The following RBM23 variants were observed in gnomAD, a reference collection of about 807,000 sequenced individuals.
RBM23 encodes RNA binding motif protein 23, also known as probable RNA-binding protein 23.
RBM23 carries 53 observed loss-of-function variants against 56.2 expected under a neutral mutation model. The observed-to-expected ratio is 0.94, with a 90% CI of 0.76 to 1.19. RBM23 has a LOEUF of 1.19. RBM23 is among the 50% of genes most tolerant of loss of function. RBM23 has a pLI of 0.00. For missense variants in RBM23, 642 were observed against 590.3 expected, an observed-to-expected ratio of 1.09 and a Z score of -0.91; for synonymous variants, 197 against 198.5, an observed-to-expected ratio of 0.99 and a Z score of 0.06.
Position 22,901,485 on chromosome 14 carries a change from T to G in RBM23, c.*245A>C, listed in dbSNP as rs1178235984. Reference sequence around the variant, plus strand: ...GAGACGATACACATGGAGAAACAGGTATTCAATGCAGGTGTGGATTCTGTT... The same window carrying G: ...GAGACGATACACATGGAGAAACAGGGATTCAATGCAGGTGTGGATTCTGTT... On this transcript the variant is annotated 3_prime_UTR_variant, in exon 14 of 14. Coordinates refer to ENST00000359890, the MANE Select transcript of RBM23 (RefSeq NM_001077351.2). 5.0e-6 allele frequency: 3 copies of G among 597,080 alleles called. No individual in the cohort carries two copies. Among genetic ancestry groups the G allele is most frequent in the Non-Finnish European group, 9.0e-6 (3 of 332,468 alleles). 37.0% of individuals were successfully genotyped at this position (597,080 alleles called of 1,614,324 possible).
chr14:22,905,015 G>A lies in RBM23; in HGVS notation c.727-3C>T, dbSNP rs1299772481. 6.2e-7 allele frequency: 1 copy of A among 1,614,144 alleles called. No homozygotes were observed. ...GCTGCCAGTCGGTTTTTCTCTGCCTGGGGAAGGAGGAAATGATGGGTCATG... is the reference window on the plus strand; with the variant it reads ...GCTGCCAGTCGGTTTTTCTCTGCCTAGGGAAGGAGGAAATGATGGGTCATG... On this transcript the variant is annotated splice_polypyrimidine_tract_variant and splice_region_variant and intron_variant, in intron 8 of 13. Transcript: ENST00000359890.
In RBM23 at chr14:22,904,277, C is replaced by A. The variant is rs1454002258; in HGVS notation, c.914G>T (p.Gly305Val). Residue 305 changes from glycine to valine, a missense_variant, in exon 10 of 14, where the codon GGT becomes GTT. Gly to Val is a moderately radical substitution (Grantham distance 109). Coordinates refer to ENST00000359890, the MANE Select transcript of RBM23 (RefSeq NM_001077351.2). ...GAGACTCACCGTGATGAAACCATAACCTTTAGAGCGGCCTGTATCTGAGTC... is the reference window on the plus strand; with the variant it reads ...GAGACTCACCGTGATGAAACCATAAACTTTAGAGCGGCCTGTATCTGAGTC... ...MKDSDTGRSKGYGFITFSDSE... is the reference protein window; with the variant it reads ...MKDSDTGRSKVYGFITFSDSE... 6.2e-7 allele frequency: 1 copy of A among 1,613,630 alleles called. No homozygotes were observed. The highest frequency in any genetic ancestry group is 8.5e-7 in the Non-Finnish European group (1 of 1,179,766).
chr14:22,905,672 G>C lies in RBM23; in HGVS notation c.402-13C>G, dbSNP rs1394968851. The C allele has an allele frequency of 6.3e-7, 1 of 1,593,618 alleles. No homozygotes were observed. Among genetic ancestry groups the C allele is most frequent in the South Asian group, 1.1e-5 (1 of 90,282 alleles). On this transcript the variant is annotated splice_polypyrimidine_tract_variant and intron_variant, in intron 5 of 13. Transcript: ENST00000359890. ...TCCATACCTATAACTAAAGAATAGA[G>C]AAAAACAAAAGGTGAAACCTTATTC...
intron 2 of RBM23, 138 bp downstream of exon 2, chr14:22,911,188 CTA>C: frequency 1.4e-6 from 1 of 725,844 alleles, no homozygotes; most frequent in Non-Finnish European, 2.3e-6. Flanking sequence ...CTTACTAAGA[CTA>C]TGCCTTTTAT....
rs2040482041 is a variant in RBM23 at position 22,901,497 on chromosome 14, G to A, written c.*233C>T. 3 of 613,864 alleles carry A rather than the reference G, an allele frequency of 4.9e-6. No homozygotes were observed. The highest frequency in any genetic ancestry group is 1.9e-5 in the African/African-American group (1 of 53,946). The allele number at this position is 613,864 out of a possible 1,614,324, so 38.0% of individuals were successfully genotyped here. A position where few individuals can be genotyped will look rare whatever the true frequency, so the allele number is the denominator to read the frequency against. On this transcript the variant is annotated 3_prime_UTR_variant, in exon 14 of 14. Coordinates refer to ENST00000359890, the MANE Select transcript of RBM23 (RefSeq NM_001077351.2). ...ATGGAGAAACAGGTATTCAATGCAG[G>A]TGTGGATTCTGTTCTCTTCAACTGG... is the stretch of plus-strand genomic sequence containing the variant.
chr14:22,916,058 A>T (rs917065145), intron 1 of RBM23, among the ~76,000 whole-genome samples: 22 of 152,154 alleles, frequency 1.4e-4, no homozygotes, highest in Non-Finnish European at 2.1e-4. Flanking sequence ...TTTACAAAAA[A>T]TATAAAAATT....
rs2040678895 is a variant in RBM23 at position 22,902,292 on chromosome 14, C to G, written c.1021G>C (p.Glu341Gln). The G allele has an allele frequency of 6.2e-7, 1 of 1,614,070 alleles. No individual in the cohort carries two copies. The highest frequency in any genetic ancestry group is 1.3e-5 in the African/African-American group (1 of 74,918). ...ATGTCTGTGCCACCATCCAGTCGCTCAGTCACATGGCCAACCCTCATAGGT... is the reference window on the plus strand; with the variant it reads ...ATGTCTGTGCCACCATCCAGTCGCTGAGTCACATGGCCAACCCTCATAGGT... ...GRPMRVGHVT[E>Q]RLDGGTDITF... The change falls in exon 11 of 14, where the codon GAG becomes CAG. Residue 341 changes from glutamate (E) to glutamine (Q), a missense_variant. By Grantham distance (29) the Glu-to-Gln change is conservative. Coordinates refer to ENST00000359890, the MANE Select transcript of RBM23 (RefSeq NM_001077351.2).
At chr14:22,904,645 A>AT (rs532293216) in intron 9 of RBM23, among the ~76,000 whole-genome samples, 2 of 150,956 alleles carry the variant, frequency 1.3e-5, no homozygotes, top group Non-Finnish European at 2.9e-5. Context: ...TAATTTTTGT[A>AT]TTTTTTAATC....
At chr14:22,903,076 C>G in intron 10 of RBM23, 1 of 985,390 alleles carries the variant, frequency 1.0e-6, no homozygotes, top group Non-Finnish European at 1.2e-6. Context: ...GCCACCGCGC[C>G]TGGCCAAATT....
chr14:22,907,728 G>C (rs1177406209), intron 4 of RBM23, among the ~76,000 whole-genome samples: 2 of 152,148 alleles, frequency 1.3e-5, no homozygotes, highest in Non-Finnish European at 2.9e-5. Context: ...CCTTAGGCTG[G>C]TCCTTCAGAA....
At chr14:22,905,934 G>T in intron 5 of RBM23, 1 of 596,358 alleles carries the variant, frequency 1.7e-6, no homozygotes, top group Admixed American at 3.1e-5. Flanking sequence ...ATTTTTTGTA[G>T]AACCAGGGTT....
At chr14:22,912,985 T>A (rs1241860696) in intron 1 of RBM23, among the ~76,000 whole-genome samples, 5 of 91,826 alleles carry the variant, frequency 5.4e-5, no homozygotes, top group South Asian at 3.5e-4. Context: ...GGAGACAGAG[T>A]GAGATTCAGT....
intron 2 of RBM23, among the ~76,000 whole-genome samples, chr14:22,911,101 ACAC>A (rs987484471): frequency 2.0e-5 from 3 of 152,242 alleles, no homozygotes; most frequent in Non-Finnish European, 4.4e-5. Flanking sequence ...CAGATTACCA[ACAC>A]CACATTATGT....
At chr14:22,912,890 C>T (rs1262739611) in intron 1 of RBM23, among the ~76,000 whole-genome samples, 2 of 149,010 alleles carry the variant, frequency 1.3e-5, no homozygotes, top group Admixed American at 6.8e-5. Context: ...GGCCCAGCTA[C>T]TCGGGAGGCT....
At position 22,902,170 on chromosome 14, in the gene RBM23, T is replaced by C. The variant is rs753647330; in HGVS notation, c.1126+17A>G. 2 of 1,612,422 alleles carry C rather than the reference T, an allele frequency of 1.2e-6. No individual in the cohort carries two copies. The highest frequency in any genetic ancestry group is 1.7e-6 in the Non-Finnish European group (2 of 1,178,624). ...AAAATTCAACCCCATAATCTTCACCTTGCGGAGATATTTTACCTTCTGCCA... is the reference window on the plus strand; with the variant it reads ...AAAATTCAACCCCATAATCTTCACCCTGCGGAGATATTTTACCTTCTGCCA... On this transcript the variant is annotated intron_variant, in intron 11 of 13. Transcript: ENST00000359890.
intron 10 of RBM23, chr14:22,903,631 T>C (rs753428626): frequency 6.3e-5 from 63 of 1,000,178 alleles, no homozygotes; most frequent in Non-Finnish European, 7.5e-5. Flanking sequence ...TGCTGCCTGG[T>C]TTAAGCCCAG....
Position 22,904,522 on chromosome 14 carries a change from CT to C in RBM23, c.865-197del, listed in dbSNP as rs748999632. ...TAGAAATATTTTGGTAAAAGGTGGACTTTTTTTTTTTTTTCCGAGGCTCACT... is the reference window on the plus strand; with the variant it reads ...TAGAAATATTTTGGTAAAAGGTGGACTTTTTTTTTTTTTCCGAGGCTCACT... On this transcript the variant is annotated intron_variant, in intron 9 of 13. Coordinates refer to ENST00000359890, the MANE Select transcript of RBM23 (RefSeq NM_001077351.2). Among the ~76,000 whole-genome samples, 703 of 140,514 alleles carry C rather than the reference CT, an allele frequency of 5.0e-3. 4 individuals are homozygous for C. The highest frequency in any genetic ancestry group is 0.013 in the African/African-American group (492 of 38,524). The allele number at this position is 140,514 out of a possible 152,430, so 92.2% of individuals were successfully genotyped here.
At chr14:22,914,543 C>T (rs2043158122) in intron 1 of RBM23, among the ~76,000 whole-genome samples, 1 of 151,016 alleles carries the variant, frequency 6.6e-6, no homozygotes, top group Admixed American at 6.6e-5. Flanking sequence ...GGGTGTTTAA[C>T]ATATCAAAAC....
intron 6 of RBM23, 22 bp from the exon 7 acceptor site, chr14:22,905,475 G>T: frequency 1.9e-6 from 3 of 1,611,702 alleles, no homozygotes; most frequent in Non-Finnish European, 2.5e-6. Context: ...AATGTGTTGA[G>T]ACCAGCCCTC....
Sources: gnomAD v4.1 joint callset for allele counts (sites outside exome capture counted in the v4.1 genomes callset) on GRCh38, gnomAD v4.1.1 for gene constraint, MANE v1.5 for transcripts, NCBI Gene and HGNC (gene_info 2026-07-23, HGNC 2026-07-21) for gene names.